Variants in DGKI observed in about 807,000 individuals in gnomAD.
The protein encoded by DGKI is DAG kinase iota.
In DGKI, 55 loss-of-function variants were observed where a neutral mutation model predicts 147.5. That is an observed-to-expected ratio of 0.37 (90% CI 0.30 to 0.47). The LOEUF is 0.47. DGKI is among the 20% of genes least tolerant of loss of function. The probability of loss-of-function intolerance (pLI) is 1.00; values close to 1 mark genes in which losing one functional copy is unlikely to be tolerated. For synonymous variants in DGKI, 469 were observed against 477.1 expected, an observed-to-expected ratio of 0.98 and a Z score of 0.22; for missense variants, 1,007 against 1,323.8, an observed-to-expected ratio of 0.76 and a Z score of 3.71.
At chr7:137,774,095 C>T (rs1796290820) in intron 1 of DGKI, among the ~76,000 whole-genome samples, 1 of 152,174 alleles carries the variant, frequency 6.6e-6, no homozygotes, top group Non-Finnish European at 1.5e-5. Flanking sequence ...CACTTACTTT[C>T]TTAACTGGGT....
At chr7:137,598,868 T>C (rs767688075) in intron 11 of DGKI, among the ~76,000 whole-genome samples, 1 of 151,706 alleles carries the variant, frequency 6.6e-6, no homozygotes, top group Non-Finnish European at 1.5e-5. Flanking sequence ...AATAAATAAA[T>C]ATATATATAT....
chr7:137,800,810 A>G (rs1797180381), intron 1 of DGKI, among the ~76,000 whole-genome samples: 1 of 152,022 alleles, frequency 6.6e-6, no homozygotes, highest in Admixed American at 6.6e-5. Flanking sequence ...TGACCTTAAC[A>G]TTTTCTGCCC....
chr7:137,434,201 T>G (rs57201647), intron 28 of DGKI, among the ~76,000 whole-genome samples: 13,026 of 152,110 alleles, frequency 0.086, 1,605 homozygotes, highest in African/African-American at 0.27. Flanking sequence ...TACTTTTTTA[T>G]TTTACAATGT....
chr7:137,779,476 A>C (rs1256770792), intron 1 of DGKI, among the ~76,000 whole-genome samples: 1 of 152,180 alleles, frequency 6.6e-6, no homozygotes. Flanking sequence ...ATTTTTAAAA[A>C]TTAAAAGTTT....
chr7:137,449,871 T>A (rs1028435671), intron 27 of DGKI, among the ~76,000 whole-genome samples: 1 of 152,120 alleles, frequency 6.6e-6, no homozygotes, highest in Non-Finnish European at 1.5e-5. Flanking sequence ...AGCCAAGATA[T>A]GGAATCAACC....
At chr7:137,459,110 C>T (rs1480705975) in intron 27 of DGKI, among the ~76,000 whole-genome samples, 3 of 152,142 alleles carry the variant, frequency 2.0e-5, no homozygotes, top group Non-Finnish European at 2.9e-5. Flanking sequence ...AATTATAATG[C>T]TTCTAAATGG....
chr7:137,720,176 TGA>T (rs939863077), intron 1 of DGKI, among the ~76,000 whole-genome samples: 3 of 151,618 alleles, frequency 2.0e-5, no homozygotes, highest in Non-Finnish European at 1.5e-5. Context: ...CCATACTTCA[TGA>T]GCAACTAATA....
chr7:137,540,641 G>A (rs890822164), intron 20 of DGKI, among the ~76,000 whole-genome samples: 6 of 150,724 alleles, frequency 4.0e-5, no homozygotes, highest in South Asian at 2.1e-4. Context: ...AGCTGAAATC[G>A]CACCACTGCA....
At chr7:137,721,316 G>A in intron 1 of DGKI, among the ~76,000 whole-genome samples, 1 of 152,126 alleles carries the variant, frequency 6.6e-6, no homozygotes, top group Non-Finnish European at 1.5e-5. Context: ...TCTATCTGTA[G>A]AATAAAATCC....
intron 1 of DGKI, among the ~76,000 whole-genome samples, chr7:137,786,089 T>G (rs1171091214): frequency 2.0e-5 from 3 of 152,054 alleles, no homozygotes; most frequent in African/African-American, 7.2e-5. Context: ...TTTCACCACT[T>G]GTATTAAACA....
chr7:137,626,024 T>C (rs1820928088), intron 6 of DGKI, among the ~76,000 whole-genome samples: 1 of 152,176 alleles, frequency 6.6e-6, no homozygotes, highest in Admixed American at 6.5e-5. Flanking sequence ...CTGGAGGAAT[T>C]AGGCACATCC....
Position 137,389,289 on chromosome 7 carries a change from G to A in DGKI, c.*1931C>T, listed in dbSNP as rs76877703. 224 of 152,254 alleles carry A rather than the reference G, an allele frequency of 1.5e-3. 1 individual carries two copies. Among genetic ancestry groups the A allele is most frequent in the African/African-American group, 5.2e-3 (215 of 41,554 alleles). The allele number at this position is 152,254 out of a possible 1,614,324, so 9.4% of individuals were successfully genotyped here. A position where few individuals can be genotyped will look rare whatever the true frequency, so the allele number is the denominator to read the frequency against. ...CCATTTCTGAGGCTGATATATGGAA[G>A]TAGATTACTCACAACCCAATCCATC... On this transcript the variant is annotated 3_prime_UTR_variant, in exon 33 of 33. Transcript: ENST00000614521.
At chr7:137,443,403 C>T (rs1813589520) in intron 28 of DGKI, among the ~76,000 whole-genome samples, 2 of 152,050 alleles carry the variant, frequency 1.3e-5, no homozygotes, top group Admixed American at 6.5e-5. Flanking sequence ...AAAGGGGCCC[C>T]AAACCAAAGT....
intron 1 of DGKI, among the ~76,000 whole-genome samples, chr7:137,750,424 A>T (rs1472583262): frequency 8.5e-6 from 1 of 117,000 alleles, no homozygotes; most frequent in Non-Finnish European, 1.9e-5. Flanking sequence ...GTTGTATCAC[A>T]AGTGCCTAGA....
intron 32 of DGKI, among the ~76,000 whole-genome samples, chr7:137,392,278 G>C (rs1811394403): frequency 6.6e-6 from 1 of 152,158 alleles, no homozygotes; most frequent in Non-Finnish European, 1.5e-5. Context: ...CACTGAATAA[G>C]AAGTCAGCAG....
intron 10 of DGKI, among the ~76,000 whole-genome samples, chr7:137,606,830 C>T (rs1383660670): frequency 6.6e-6 from 1 of 152,166 alleles, no homozygotes; most frequent in Non-Finnish European, 1.5e-5. Flanking sequence ...ATATTGTCCT[C>T]AAAATGAATA....
At chr7:137,787,800 AT>A (rs1422152108) in intron 1 of DGKI, among the ~76,000 whole-genome samples, 1 of 152,186 alleles carries the variant, frequency 6.6e-6, no homozygotes, top group Non-Finnish European at 1.5e-5. Context: ...AAATAATGGC[AT>A]TTGCAGCAAC....
rs3839659 is a variant in DGKI, at chr7:137,620,019, GCACACACA to G, written c.877-87_877-80del. On this transcript the variant is annotated intron_variant, in intron 7 of 32. Transcript: ENST00000614521. ...CAAGAAGGGATAAATATGTACACAC[GCACACACA>G]CACACACACACACACACACACACAC... is the stretch of plus-strand genomic sequence containing the variant. 2,783 of 502,402 alleles carry G rather than the reference GCACACACA, an allele frequency of 5.5e-3. 30 individuals carry two copies. The highest frequency in any genetic ancestry group is 0.04 in the African/African-American group (2,033 of 51,292). The allele number at this position is 502,402 out of a possible 1,614,324, so 31.1% of individuals were successfully genotyped here. A position where few individuals can be genotyped will look rare whatever the true frequency, so the allele number is the denominator to read the frequency against.
At chr7:137,794,930 C>G in intron 1 of DGKI, among the ~76,000 whole-genome samples, 1 of 152,216 alleles carries the variant, frequency 6.6e-6, no homozygotes. Context: ...CAGACTTCAT[C>G]GTCCAGCTAC....
Sources: allele counts gnomAD v4.1 joint callset (sites outside exome capture counted in the v4.1 genomes callset), GRCh38; gene constraint gnomAD v4.1.1; transcripts MANE v1.5; gene names NCBI Gene and HGNC (gene_info 2026-07-23, HGNC 2026-07-21).